TBCK: variants seen among roughly 807,000 people sequenced by gnomAD.
TBCK encodes TBC domain-containing protein kinase-like protein.
Under a neutral mutation model 113.4 loss-of-function variants are expected in TBCK, and 99 were observed. The observed-to-expected ratio is 0.87, with a 90% CI of 0.74 to 1.03. TBCK has a LOEUF of 1.03. TBCK is among the 50% of genes least tolerant of loss of function. The pLI is 0.00. For missense variants in TBCK, 1,045 were observed against 1,061.3 expected, an observed-to-expected ratio of 0.98 and a Z score of 0.21; for synonymous variants, 369 against 370.8, an observed-to-expected ratio of 1.00 and a Z score of 0.05.
At chr4:106,126,530 C>T (rs1476140591) in intron 23 of TBCK, among the ~76,000 whole-genome samples, 1 of 152,128 alleles carries the variant, frequency 6.6e-6, no homozygotes, top group Non-Finnish European at 1.5e-5. Flanking sequence ...GAGATATTGT[C>T]TATTTCTCCA....
At chr4:106,170,065 G>C (rs1750817082) in intron 23 of TBCK, among the ~76,000 whole-genome samples, 1 of 152,014 alleles carries the variant, frequency 6.6e-6, no homozygotes, top group African/African-American at 2.4e-5. Flanking sequence ...CCTGTGACTG[G>C]TACCAGTCTG....
rs187271839 is a variant in TBCK at position 106,043,265 on chromosome 4, C to A, written c.*3305G>T. 6.6e-6 allele frequency: 1 copy of A among 152,166 alleles called. No individual in the cohort carries two copies. The highest frequency in any genetic ancestry group is 6.5e-5 in the Admixed American group (1 of 15,276). 9.4% of individuals were successfully genotyped at this position (152,166 alleles called of 1,614,324 possible). ...ATTACCTTATTTTGGAAGTTATCTG[C>A]TCCAACTTCTAGAATTATCAGATTT... is the stretch of plus-strand genomic sequence containing the variant. On this transcript the variant is annotated 3_prime_UTR_variant, in exon 26 of 26. Coordinates refer to ENST00000394708, the MANE Select transcript of TBCK (RefSeq NM_001163435.3).
Position 106,212,799 on chromosome 4 carries a change from T to C in TBCK, c.1811A>G (p.His604Arg), listed in dbSNP as rs1400705702. ...GAGATGATTACTCAGCTCTGGATCA[T>C]GAAATGCAATCATCTGAGAGAAGAC... is the stretch of plus-strand genomic sequence containing the variant. ...LTVFSQMIAF[H>R]DPELSNHLNE... is the part of the protein sequence containing the mutation. Residue 604 changes from histidine to arginine, a missense_variant, in exon 20 of 26, where the codon CAT (histidine) becomes CGT (arginine). Coordinates refer to ENST00000394708, the MANE Select transcript of TBCK (RefSeq NM_001163435.3). 1.9e-6 allele frequency: 3 copies of C among 1,612,860 alleles called. No homozygotes were observed. Among genetic ancestry groups the C allele is most frequent in the Admixed American group, 1.7e-5 (1 of 59,938 alleles).
intron 20 of TBCK, among the ~76,000 whole-genome samples, chr4:106,210,831 C>G (rs549653596): frequency 1.2e-4 from 18 of 152,138 alleles, no homozygotes; most frequent in Non-Finnish European, 2.5e-4. Flanking sequence ...AACATTGTTT[C>G]TTACATCATA....
chr4:106,124,618 T>C (rs9760248), intron 23 of TBCK, among the ~76,000 whole-genome samples: 4 of 151,752 alleles, frequency 2.6e-5, no homozygotes, highest in African/African-American at 7.3e-5. Context: ...CCAACAATGA[T>C]AGACTGGATT....
chr4:106,068,660 A>G (rs1736967045), intron 25 of TBCK, among the ~76,000 whole-genome samples: 2 of 152,176 alleles, frequency 1.3e-5, no homozygotes, highest in Admixed American at 6.5e-5. Context: ...TTGGCTATAT[A>G]CCCAGTAATG....
Position 106,236,659 on chromosome 4 carries a change from C to T in TBCK, c.1220+100G>A, listed in dbSNP as rs562708791. On this transcript the variant is annotated intron_variant, in intron 13 of 25. Transcript: ENST00000394708. ...AACCAAAACCTCAGGTTATTATTTTCTATTTAGGAAACATTTTTCAAAGAA... is the reference window on the plus strand; with the variant it reads ...AACCAAAACCTCAGGTTATTATTTTTTATTTAGGAAACATTTTTCAAAGAA... The T allele has an allele frequency of 3.7e-5, 38 of 1,032,648 alleles. No individual in the cohort carries two copies. The African/African-American group carries it at 5.5e-4, about 15-fold the overall frequency. 64.0% of individuals were successfully genotyped at this position (1,032,648 alleles called of 1,614,324 possible). A position where few individuals can be genotyped will look rare whatever the true frequency, so the allele number is the denominator to read the frequency against.
At chr4:106,080,003 T>G (rs1738670676) in intron 25 of TBCK, among the ~76,000 whole-genome samples, 1 of 152,026 alleles carries the variant, frequency 6.6e-6, no homozygotes, top group African/African-American at 2.4e-5. Context: ...TCAAATCACC[T>G]CCCACCAGGC....
chr4:106,103,955 A>G (rs1290236449), intron 24 of TBCK, among the ~76,000 whole-genome samples: 3 of 152,322 alleles, frequency 2.0e-5, no homozygotes, highest in East Asian at 3.9e-4. Flanking sequence ...ACGGCCCCAG[A>G]AAAACACACT....
intron 1 of TBCK, among the ~76,000 whole-genome samples, chr4:106,314,707 C>T (rs1768577398): frequency 6.8e-6 from 1 of 147,330 alleles, no homozygotes; most frequent in Non-Finnish European, 1.5e-5. Context: ...TCACTGCATC[C>T]TTCCACCTCC....
At chr4:106,089,155 C>T (rs1457644790) in intron 25 of TBCK, among the ~76,000 whole-genome samples, 1 of 151,898 alleles carries the variant, frequency 6.6e-6, no homozygotes, top group Admixed American at 6.6e-5. Context: ...ACAATCCTGA[C>T]AGAAGGCAAC....
At chr4:106,135,273 TACTC>T (rs1746424188) in intron 23 of TBCK, among the ~76,000 whole-genome samples, 2 of 151,686 alleles carry the variant, frequency 1.3e-5, no homozygotes. Flanking sequence ...TACATTTACT[TACTC>T]ATTTAAGTCT....
chr4:106,184,345 A>G (rs1266008456), intron 22 of TBCK, among the ~76,000 whole-genome samples: 1 of 152,024 alleles, frequency 6.6e-6, no homozygotes, highest in Non-Finnish European at 1.5e-5. Context: ...AAATTCTAAA[A>G]GGGAAGTTGA....
chr4:106,234,679 C>T (rs1405000151), intron 15 of TBCK, among the ~76,000 whole-genome samples: 2 of 151,960 alleles, frequency 1.3e-5, no homozygotes, highest in Admixed American at 1.3e-4. Context: ...AAGAAATTGA[C>T]AAGAAATGAA....
chr4:106,216,594 T>C (rs895776835), intron 19 of TBCK, among the ~76,000 whole-genome samples: 16 of 152,230 alleles, frequency 1.1e-4, no homozygotes, highest in South Asian at 6.2e-4. Flanking sequence ...AACACCTCTA[T>C]GCAAATAAAC....
At chr4:106,316,494 G>A, upstream of TBCK, 1 of 1,529,092 alleles carries the variant, frequency 6.5e-7, no homozygotes, top group Non-Finnish European at 8.9e-7. Context: ...TTTCAGCAAG[G>A]ACACCTCATT....
intron 19 of TBCK, among the ~76,000 whole-genome samples, chr4:106,228,434 T>C (rs2149979752): frequency 1.3e-5 from 2 of 151,924 alleles, no homozygotes; most frequent in South Asian, 4.2e-4. Flanking sequence ...TTCTACTCTC[T>C]ATCTCCATGA....
At chr4:106,124,056 G>C (rs1257254173) in intron 23 of TBCK, among the ~76,000 whole-genome samples, 2 of 150,760 alleles carry the variant, frequency 1.3e-5, no homozygotes, top group Non-Finnish European at 3.0e-5. Flanking sequence ...CCATCAGAGT[G>C]AACAGGCAAC....
At chr4:106,103,533 T>C (rs1284801016) in intron 24 of TBCK, among the ~76,000 whole-genome samples, 1 of 152,212 alleles carries the variant, frequency 6.6e-6, no homozygotes, top group African/African-American at 2.4e-5. Flanking sequence ...GGCTCTGCAA[T>C]TACTAGTTAT....
Sources: allele counts gnomAD v4.1 joint callset (sites outside exome capture counted in the v4.1 genomes callset), GRCh38; gene constraint gnomAD v4.1.1; transcripts MANE v1.5; gene names NCBI Gene and HGNC (gene_info 2026-07-23, HGNC 2026-07-21).